Variants in SPMIP2 observed in about 807,000 individuals in gnomAD.
The protein encoded by SPMIP2 is sperm microtubule inner protein 2.
chr4:159,075,982 C>G, the SPMIP2 span, among the ~76,000 whole-genome samples: 18 of 152,106 alleles, frequency 1.2e-4, no homozygotes, highest in East Asian at 3.1e-3. Flanking sequence ...ACTAACTAGG[C>G]CTTTAAACCA....
chr4:159,007,699 A>T, the SPMIP2 span: 1 of 702,048 alleles, frequency 1.4e-6, no homozygotes. Context: ...CACCAGCGAG[A>T]TGAGGCAGCC....
chr4:159,046,761 C>T, the SPMIP2 span, among the ~76,000 whole-genome samples: 3 of 152,300 alleles, frequency 2.0e-5, no homozygotes, highest in East Asian at 1.9e-4. Flanking sequence ...TTAGAAGAGA[C>T]GGGCTTTCAC....
the SPMIP2 span, among the ~76,000 whole-genome samples, chr4:159,049,411 T>C: frequency 1.3e-5 from 2 of 152,170 alleles, no homozygotes; most frequent in African/African-American, 4.8e-5. Flanking sequence ...TTCGCAAAGA[T>C]TGATTAAGGG....
the SPMIP2 span, among the ~76,000 whole-genome samples, chr4:159,032,051 A>G: frequency 7.9e-5 from 12 of 152,048 alleles, no homozygotes; most frequent in Admixed American, 3.3e-4. Flanking sequence ...GTGAAACCCC[A>G]TCTCTACTAA....
the SPMIP2 span, among the ~76,000 whole-genome samples, chr4:158,958,506 A>G: frequency 6.6e-6 from 1 of 152,188 alleles, no homozygotes; most frequent in Non-Finnish European, 1.5e-5. Flanking sequence ...AGTTCCAAGA[A>G]GGGCATATAC....
At chr4:158,970,857 T>C in the SPMIP2 span, among the ~76,000 whole-genome samples, 1 of 152,144 alleles carries the variant, frequency 6.6e-6, no homozygotes, top group Admixed American at 6.5e-5. Context: ...AAGCAACATT[T>C]CTTATAGTAT....
the SPMIP2 span, among the ~76,000 whole-genome samples, chr4:158,939,863 T>C: frequency 2.1e-3 from 324 of 152,186 alleles, 1 homozygote; most frequent in Non-Finnish European, 2.5e-3. Context: ...AAAAGGATCC[T>C]TTATTCTATA....
chr4:159,058,915 G>A, the SPMIP2 span, among the ~76,000 whole-genome samples: 1 of 94,230 alleles, frequency 1.1e-5, no homozygotes, highest in Non-Finnish European at 2.4e-5. Context: ...TCCACAAATG[G>A]CATGTAATTC....
At chr4:159,048,731 CTTTTTTTT>C in the SPMIP2 span, among the ~76,000 whole-genome samples, 8 of 111,470 alleles carry the variant, frequency 7.2e-5, no homozygotes, top group Admixed American at 3.9e-4. Flanking sequence ...TCCCCTTCCA[CTTTTTTTT>C]TTTTTTTTTT....
the SPMIP2 span, chr4:158,904,560 A>G: frequency 6.2e-7 from 1 of 1,606,112 alleles, no homozygotes. Context: ...AGCTCAGGAC[A>G]GTTCTTCCTT....
At chr4:158,909,181 G>A in the SPMIP2 span, among the ~76,000 whole-genome samples, 29 of 152,246 alleles carry the variant, frequency 1.9e-4, no homozygotes, top group South Asian at 5.6e-3. Context: ...GAAAAGGGAT[G>A]ATGTCCACAG....
the SPMIP2 span, among the ~76,000 whole-genome samples, chr4:158,985,225 TC>T: frequency 6.9e-6 from 1 of 144,748 alleles, no homozygotes. Context: ...CTGGTACCAT[TC>T]CTTCTGATAC....
the SPMIP2 span, among the ~76,000 whole-genome samples, chr4:158,903,745 T>TTTTAC: frequency 5.3e-5 from 8 of 152,304 alleles, no homozygotes; most frequent in East Asian, 1.5e-3. Context: ...ACTGTTTTAT[T>TTTTAC]TTTACTTTGA....
At chr4:158,940,561 T>TC in the SPMIP2 span, among the ~76,000 whole-genome samples, 1 of 147,790 alleles carries the variant, frequency 6.8e-6, no homozygotes, top group African/African-American at 2.5e-5. Context: ...TGTTCCTTCT[T>TC]TTTTTTTTTT....
the SPMIP2 span, among the ~76,000 whole-genome samples, chr4:158,946,019 T>C: frequency 6.6e-6 from 1 of 152,216 alleles, no homozygotes; most frequent in South Asian, 2.1e-4. Context: ...CTGTAAGAGA[T>C]ACAGGTCTCT....
At chr4:158,928,359 C>G in the SPMIP2 span, among the ~76,000 whole-genome samples, 2 of 151,926 alleles carry the variant, frequency 1.3e-5, no homozygotes, top group Non-Finnish European at 2.9e-5. Context: ...CACTCTGTAT[C>G]TAGCTCAAGG....
chr4:158,911,380 A>AAATAAATAAATAAAT, the SPMIP2 span, among the ~76,000 whole-genome samples: 197 of 135,482 alleles, frequency 1.5e-3, no homozygotes, highest in African/African-American at 6.2e-3. Flanking sequence ...ATAAATAAAT[A>AAATAAATAAATAAAT]AATAAAATAA....
the SPMIP2 span, among the ~76,000 whole-genome samples, chr4:158,917,925 C>T: frequency 5.9e-5 from 9 of 151,754 alleles, no homozygotes; most frequent in Admixed American, 5.3e-4. Context: ...CACCATGTTA[C>T]CCAGGCTAGT....
the SPMIP2 span, among the ~76,000 whole-genome samples, chr4:159,027,508 T>G: frequency 9.1e-4 from 139 of 152,296 alleles, 2 homozygotes; most frequent in East Asian, 0.01. Context: ...ACAAATAAAA[T>G]GCAGTTTAGT....
Sources: gnomAD v4.1 joint callset for allele counts (sites outside exome capture counted in the v4.1 genomes callset) on GRCh38, gnomAD v4.1.1 for gene constraint, MANE v1.5 for transcripts, NCBI Gene and HGNC (gene_info 2026-07-23, HGNC 2026-07-21) for gene names.